IL12RB2: variants seen among roughly 807,000 people sequenced by gnomAD.
IL12RB2 encodes the protein interleukin-12 receptor subunit beta-2.
In IL12RB2, 82 loss-of-function variants were observed where a neutral mutation model predicts 89.4. The observed-to-expected ratio is 0.92, with a 90% CI of 0.77 to 1.10. The LOEUF is 1.10. Among genes scored for constraint, IL12RB2 ranks in the 50% least tolerant of loss-of-function variants. The probability of loss-of-function intolerance (pLI) is 0.00; values close to 1 mark genes in which losing one functional copy is unlikely to be tolerated. For missense variants in IL12RB2, 963 were observed against 1,031.9 expected (o/e 0.93, Z 0.92); for synonymous variants, 368 against 370.1 (o/e 0.99, Z 0.07).
intron 9 of IL12RB2, among the ~76,000 whole-genome samples, chr1:67,346,178 A>G (rs1660200214): frequency 6.6e-6 from 1 of 152,176 alleles, no homozygotes; most frequent in African/African-American, 2.4e-5. Flanking sequence ...CAAAGTGCTT[A>G]AACTCTCTGT....
At chr1:67,315,685 A>G (rs903784170) in intron 2 of IL12RB2, among the ~76,000 whole-genome samples, 1 of 152,252 alleles carries the variant, frequency 6.6e-6, no homozygotes, top group Non-Finnish European at 1.5e-5. Context: ...TCAGTTACTT[A>G]AATATTGGAT....
In IL12RB2 at chr1:67,395,588, G is replaced by A. The variant is rs1241919360; in HGVS notation, c.2088G>A (p.Trp696Ter). 2.5e-6 allele frequency: 4 copies of A among 1,614,228 alleles called. No homozygotes were observed. The highest frequency in any genetic ancestry group is 3.4e-6 in the Non-Finnish European group (4 of 1,180,042). ...CCTTGGACAGGCTCCTGATAGACTG[G>A]CCCACGCCTGAAGATCCTGAACCGC... ...QLPLDRLLID[W>*]PTPEDPEPLV... The change falls in exon 17 of 17, where the codon TGG (tryptophan) becomes TGA (stop). Residue 696 changes from tryptophan (W) to a stop codon, truncating the protein, a stop_gained. Coordinates refer to ENST00000674203, the MANE Select transcript of IL12RB2 (RefSeq NM_001374259.2). LOFTEE classifies it low-confidence loss of function (END_TRUNC).
chr1:67,362,159 T>C (rs1199646684), intron 10 of IL12RB2, among the ~76,000 whole-genome samples: 1 of 152,030 alleles, frequency 6.6e-6, no homozygotes, highest in African/African-American at 2.4e-5. Context: ...TAATCCCAGC[T>C]ACTCGGGAGG....
intron 14 of IL12RB2, among the ~76,000 whole-genome samples, chr1:67,381,559 C>G (rs776842181): frequency 6.6e-6 from 1 of 151,796 alleles, no homozygotes; most frequent in Non-Finnish European, 1.5e-5. Context: ...GTCAGGAGAT[C>G]GAGACCATCC....
At chr1:67,343,552 A>C (rs1188230707) in intron 9 of IL12RB2, among the ~76,000 whole-genome samples, 1 of 152,180 alleles carries the variant, frequency 6.6e-6, no homozygotes, top group African/African-American at 2.4e-5. Context: ...GCCCCTTTAC[A>C]AAAGGGGGCT....
chr1:67,327,181 G>A (rs1414248863), intron 5 of IL12RB2, among the ~76,000 whole-genome samples: 2 of 151,858 alleles, frequency 1.3e-5, no homozygotes, highest in South Asian at 2.1e-4. Context: ...GGATGGTCTC[G>A]ATCTCTTGAC....
At position 67,343,080 on chromosome 1, in the gene IL12RB2, C is replaced by A. The variant is rs1297761843; in HGVS notation, c.1038+4377C>A. ...CTGAGACTACAGGCATCCATCACCA[C>A]GCCCAGCTAATTTTTGTTTGTCACA... On this transcript the variant is annotated intron_variant, in intron 9 of 16. Transcript: ENST00000674203. 9.0e-5 allele frequency among the ~76,000 whole-genome samples: 6 copies of A among 66,582 alleles called. 1 individual carries two copies. The highest frequency in any genetic ancestry group is 3.4e-4 in the African/African-American group (4 of 11,794). The allele number at this position is 66,582 out of a possible 152,430, so 43.7% of individuals were successfully genotyped here.
intron 2 of IL12RB2, among the ~76,000 whole-genome samples, chr1:67,319,818 G>A (rs1365530171): frequency 6.6e-6 from 1 of 152,100 alleles, no homozygotes; most frequent in Admixed American, 6.5e-5. Context: ...GGGTCTTTGG[G>A]AGGTGATTGG....
intron 8 of IL12RB2, among the ~76,000 whole-genome samples, chr1:67,333,622 C>T (rs576266524): frequency 1.6e-4 from 25 of 151,870 alleles, no homozygotes; most frequent in South Asian, 8.3e-4. Context: ...TTTAAATGAC[C>T]GAAAAGTAAG....
At chr1:67,336,578 G>A (rs897936139) in intron 8 of IL12RB2, among the ~76,000 whole-genome samples, 53 of 152,108 alleles carry the variant, frequency 3.5e-4, no homozygotes, top group Admixed American at 6.5e-5. Context: ...TACTGCAAAG[G>A]AGAGAAAAGA....
chr1:67,345,883 A>G (rs960616229), intron 9 of IL12RB2, among the ~76,000 whole-genome samples: 10 of 152,194 alleles, frequency 6.6e-5, no homozygotes, highest in Admixed American at 2.0e-4. Flanking sequence ...AAGAATTAAC[A>G]GAAGATAGAA....
chr1:67,353,268 C>T (rs149549263), intron 10 of IL12RB2, among the ~76,000 whole-genome samples: 8 of 152,240 alleles, frequency 5.3e-5, no homozygotes, highest in Middle Eastern at 3.4e-3. Flanking sequence ...TGAGGTGATG[C>T]CATCTTAAAT....
At chr1:67,322,081 G>GTC (rs35077887) in intron 4 of IL12RB2, among the ~76,000 whole-genome samples, 192 bp downstream of exon 4, 10,279 of 148,984 alleles carry the variant, frequency 0.069, 852 homozygotes, top group African/African-American at 0.2. Flanking sequence ...TATTTGGCAA[G>GTC]TCTCTCTCTC....
intron 13 of IL12RB2, 90 bp downstream of exon 13, chr1:67,372,873 T>C (rs1245794897): frequency 3.5e-6 from 3 of 862,760 alleles, no homozygotes; most frequent in Admixed American, 1.7e-5. Flanking sequence ...TCTACACACA[T>C]GTGCTAGCGC....
intron 14 of IL12RB2, among the ~76,000 whole-genome samples, 154 bp from the exon 15 acceptor site, chr1:67,386,425 C>G (rs1448983992): frequency 2.6e-5 from 4 of 152,058 alleles, no homozygotes; most frequent in Non-Finnish European, 5.9e-5. Context: ...GGTCCCATTT[C>G]CCGCACTGCA....
At chr1:67,318,268 T>C (rs369429674) in intron 2 of IL12RB2, among the ~76,000 whole-genome samples, 1 of 151,974 alleles carries the variant, frequency 6.6e-6, no homozygotes, top group East Asian at 1.9e-4. Flanking sequence ...GGCTGAGAGA[T>C]TGTGTGTGGT....
At chr1:67,392,951 T>C (rs1665989230) in intron 16 of IL12RB2, among the ~76,000 whole-genome samples, 1 of 152,180 alleles carries the variant, frequency 6.6e-6, no homozygotes, top group Admixed American at 6.5e-5. Flanking sequence ...ACTGTGTGCA[T>C]ATAATTTTTT....
intron 4 of IL12RB2, among the ~76,000 whole-genome samples, chr1:67,325,677 G>A (rs1280239851): frequency 6.6e-6 from 1 of 152,250 alleles, no homozygotes; most frequent in Admixed American, 6.5e-5. Flanking sequence ...AGGTCACACA[G>A]TGGGCATTCC....
intron 10 of IL12RB2, among the ~76,000 whole-genome samples, chr1:67,364,989 A>T (rs1662520123): frequency 6.6e-6 from 1 of 152,220 alleles, no homozygotes; most frequent in Admixed American, 6.5e-5. Context: ...ATAAACTAGA[A>T]ATCAGTAACA....
Sources: allele counts gnomAD v4.1 joint callset (sites outside exome capture counted in the v4.1 genomes callset), GRCh38; gene constraint gnomAD v4.1.1; transcripts MANE v1.5; gene names NCBI Gene and HGNC (gene_info 2026-07-23, HGNC 2026-07-21).